The following TRPM3 variants were observed in gnomAD, a reference collection of about 807,000 sequenced individuals.
TRPM3 encodes the protein transient receptor potential cation channel subfamily M member 3, also known as long transient receptor potential channel 3.
In TRPM3, 77 loss-of-function variants were observed where a neutral mutation model predicts 181.2. That is an observed-to-expected ratio of 0.42 (90% CI 0.35 to 0.51). The LOEUF (loss-of-function observed/expected upper bound fraction) is 0.51. Ranked by LOEUF, TRPM3 falls within the 20% of genes least tolerant of loss-of-function variation. The pLI, the probability that TRPM3 is intolerant of heterozygous loss-of-function variation, is 0.01. For missense variants in TRPM3, 1,759 were observed against 2,196.7 expected (o/e 0.80, Z 3.98); for synonymous variants, 745 against 796.4 (o/e 0.94, Z 1.09).
At chr9:71,045,830 G>C (rs1457445660) in intron 1 of TRPM3, among the ~76,000 whole-genome samples, 1 of 152,114 alleles carries the variant, frequency 6.6e-6, no homozygotes, top group Non-Finnish European at 1.5e-5. Context: ...AAAATGTTCA[G>C]GTTCTAACCC....
intron 1 of TRPM3, among the ~76,000 whole-genome samples, chr9:70,980,183 T>A (rs2097351012): frequency 6.6e-6 from 1 of 152,050 alleles, no homozygotes; most frequent in Non-Finnish European, 1.5e-5. Context: ...TCAGGCGTTG[T>A]GGTGCCAACC....
Position 71,158,034 on chromosome 9 carries a change from G to A in TRPM3, c.183+288619C>T, listed in dbSNP as rs191360894. On this transcript the variant is annotated intron_variant, in intron 1 of 24. Coordinates refer to the TRPM3 transcript ENST00000357533. ...AGACTGGTAATGAACTTTTCTTATC[G>A]AAAACCTAATTATAATATTGTACAG... Among the ~76,000 whole-genome samples the A allele has an allele frequency of 1.9e-3, 295 of 152,150 alleles. 1 individual carries two copies. The highest frequency in any genetic ancestry group is 3.5e-3 in the Non-Finnish European group (236 of 67,986).
chr9:70,571,523 A>G (rs1195556548), intron 22 of TRPM3, among the ~76,000 whole-genome samples: 1 of 152,118 alleles, frequency 6.6e-6, no homozygotes, highest in Non-Finnish European at 1.5e-5. Context: ...TAGGCAACTT[A>G]CCAATTAAGT....
At chr9:71,276,073 C>A (rs961174043) in intron 1 of TRPM3, among the ~76,000 whole-genome samples, 1 of 152,090 alleles carries the variant, frequency 6.6e-6, no homozygotes, top group Non-Finnish European at 1.5e-5. Flanking sequence ...GATCTCCTGA[C>A]CTCGTGATCC....
rs141631786 is a variant in TRPM3, at chr9:70,974,626, G to A, written c.178-110115C>T. 8.5e-3 allele frequency among the ~76,000 whole-genome samples: 1,292 copies of A among 151,980 alleles called. 17 individuals carry two copies. Among genetic ancestry groups the A allele is most frequent in the African/African-American group, 0.029 (1,192 of 41,488 alleles). On this transcript the variant is annotated intron_variant, in intron 1 of 25. Transcript: ENST00000677713. ...TGCCTGTAGTCCTAGCTACTCAGGA[G>A]GATGAGGCGGGAGAATCGCTAGAAC...
At chr9:71,035,206 G>C (rs2058043375) in intron 1 of TRPM3, among the ~76,000 whole-genome samples, 1 of 152,114 alleles carries the variant, frequency 6.6e-6, no homozygotes, top group South Asian at 2.1e-4. Context: ...CACTCATCAA[G>C]TAACCAGCAA....
intron 1 of TRPM3, among the ~76,000 whole-genome samples, chr9:71,061,795 T>C (rs191322366): frequency 7.2e-4 from 109 of 152,208 alleles, no homozygotes; most frequent in African/African-American, 2.6e-3. Context: ...TTGCATCATT[T>C]TGCTTTGCTG....
At position 70,761,694 on chromosome 9, in the gene TRPM3, C is replaced by CAGCT. The variant is rs770634023; in HGVS notation, c.1175_1178dup (p.Leu394AlafsTer47). Reference sequence around the variant, plus strand: ...TGAAAGTCTTCTGTATAGTCACCAACAGCTGGTCCCTCAAAGATTCATTTA... The same window carrying CAGCT: ...TGAAAGTCTTCTGTATAGTCACCAACAGCTAGCTGGTCCCTCAAAGATTCATTTA... On this transcript the variant is annotated frameshift_variant, in exon 8 of 26. Coordinates refer to ENST00000677713, the MANE Select transcript of TRPM3 (RefSeq NM_001366145.2). LOFTEE classifies it high-confidence loss of function. The CAGCT allele has an allele frequency of 6.2e-7, 1 of 1,612,900 alleles. No homozygotes were observed. Among genetic ancestry groups the CAGCT allele is most frequent in the Non-Finnish European group, 8.5e-7 (1 of 1,179,128 alleles).
intron 1 of TRPM3, among the ~76,000 whole-genome samples, chr9:71,260,565 G>A (rs1446174276): frequency 6.6e-6 from 1 of 152,118 alleles, no homozygotes; most frequent in Non-Finnish European, 1.5e-5. Flanking sequence ...TTGAGCAGTG[G>A]TCTGTAGTTC....
chr9:70,958,012 T>C (rs2097096839), intron 1 of TRPM3, among the ~76,000 whole-genome samples: 2 of 152,234 alleles, frequency 1.3e-5, no homozygotes. Context: ...GAATAGCATG[T>C]ATGAAATTAG....
chr9:71,116,868 C>T (rs145455568), intron 1 of TRPM3, among the ~76,000 whole-genome samples: 6 of 152,252 alleles, frequency 3.9e-5, no homozygotes, highest in African/African-American at 1.4e-4. Context: ...ATTCTGCTAT[C>T]GGACACTCCA....
rs564785994 is a variant in TRPM3 at position 71,086,249 on chromosome 9, T to C, written c.177+34929A>G. On this transcript the variant is annotated intron_variant, in intron 1 of 25. Transcript: ENST00000677713. ...GTTTGAAAAACTAACTATTGGGTCC[T>C]ATGCTTAGTAGCTAGGTGATGGGAT... Among the ~76,000 whole-genome samples the C allele has an allele frequency of 1.8e-4, 27 of 152,086 alleles. No homozygotes were observed. In the South Asian group the frequency reaches 4.4e-3, roughly 25 times the overall value.
Position 71,096,844 on chromosome 9 carries a change from T to C in TRPM3, c.177+24334A>G, listed in dbSNP as rs571541033. On this transcript the variant is annotated intron_variant, in intron 1 of 25. Coordinates refer to ENST00000677713, the MANE Select transcript of TRPM3 (RefSeq NM_001366145.2). ...TGAATGGGAACAGACTATTTGGCACTATTTGCAAGAACATAAAAATTCAGA... is the reference window on the plus strand; with the variant it reads ...TGAATGGGAACAGACTATTTGGCACCATTTGCAAGAACATAAAAATTCAGA... Among the ~76,000 whole-genome samples the C allele has an allele frequency of 2.0e-5, 3 of 152,240 alleles. No individual in the cohort carries two copies. In the East Asian group the frequency reaches 5.8e-4, roughly 29 times the overall value.
intron 1 of TRPM3, among the ~76,000 whole-genome samples, chr9:70,890,272 G>C (rs935453575): frequency 6.6e-6 from 1 of 151,736 alleles, no homozygotes; most frequent in Non-Finnish European, 1.5e-5. Context: ...GAAGATAAAG[G>C]TGAGGAAGCA....
chr9:71,044,462 T>C (rs2059192333), intron 1 of TRPM3, among the ~76,000 whole-genome samples: 1 of 152,258 alleles, frequency 6.6e-6, no homozygotes. Flanking sequence ...TCTTGTATGT[T>C]CAGCTTCCAG....
At chr9:71,272,789 A>C (rs1035742283) in intron 1 of TRPM3, among the ~76,000 whole-genome samples, 1 of 152,152 alleles carries the variant, frequency 6.6e-6, no homozygotes, top group Non-Finnish European at 1.5e-5. Flanking sequence ...AAAGAACTCA[A>C]ATGCATAATT....
chr9:70,846,711 T>A (rs775263185), intron 3 of TRPM3, 120 bp from the exon 4 acceptor site: 20 of 775,030 alleles, frequency 2.6e-5, no homozygotes, highest in Non-Finnish European at 3.5e-5. Context: ...TAAAATCAGA[T>A]TTTTTTAAAA....
chr9:70,804,548 A>G (rs901547328), intron 6 of TRPM3, among the ~76,000 whole-genome samples: 9 of 151,890 alleles, frequency 5.9e-5, no homozygotes, highest in African/African-American at 2.2e-4. Context: ...AGAAAATTCT[A>G]TTTTCTCCCC....
chr9:71,192,420 T>A (rs1397149225), intron 1 of TRPM3, among the ~76,000 whole-genome samples: 2 of 151,880 alleles, frequency 1.3e-5, no homozygotes, highest in Non-Finnish European at 2.9e-5. Context: ...GAGAATTGTA[T>A]GTTATCTTTT....
Sources: gnomAD v4.1 joint callset for allele counts (sites outside exome capture counted in the v4.1 genomes callset) on GRCh38, gnomAD v4.1.1 for gene constraint, MANE v1.5 for transcripts, NCBI Gene and HGNC (gene_info 2026-07-23, HGNC 2026-07-21) for gene names.